The following NCAM2 variants were observed in gnomAD, a reference collection of about 807,000 sequenced individuals.
NCAM2 encodes the protein N-CAM-2.
Under a neutral mutation model 98.1 loss-of-function variants are expected in NCAM2, and 30 were observed. The ratio of observed to expected loss-of-function variants is 0.31; its 90% confidence interval spans 0.23 to 0.41. NCAM2 has a LOEUF of 0.41. Among genes scored for constraint, NCAM2 ranks in the 10% least tolerant of loss-of-function variants. The pLI is 1.00. For missense variants in NCAM2, 867 were observed against 1,005.8 expected, an observed-to-expected ratio of 0.86 and a Z score of 1.87; for synonymous variants, 368 against 342.4, an observed-to-expected ratio of 1.07 and a Z score of -0.83.
In NCAM2 at chr21:21,539,065, T is replaced by C. The variant is rs1990126110; in HGVS notation, c.*1108T>C. The C allele has an allele frequency of 6.6e-6, 1 of 152,192 alleles. No individual in the cohort carries two copies. The highest frequency in any genetic ancestry group is 2.1e-4 in the South Asian group (1 of 4,834). The allele number at this position is 152,192 out of a possible 1,614,324, so 9.4% of individuals were successfully genotyped here. On this transcript the variant is annotated 3_prime_UTR_variant, in exon 18 of 18. Transcript: ENST00000400546. ...TGATAAATAATTAAATGCCACTATGTGTTCTATTCCGGATGTTCTAGCTAG... is the reference window on the plus strand; with the variant it reads ...TGATAAATAATTAAATGCCACTATGCGTTCTATTCCGGATGTTCTAGCTAG...
chr21:21,071,968 A>G (rs909095874), intron 1 of NCAM2, among the ~76,000 whole-genome samples: 1 of 151,822 alleles, frequency 6.6e-6, no homozygotes, highest in Non-Finnish European at 1.5e-5. Flanking sequence ...GCTGGAGTGC[A>G]GTGGCGCGAT....
chr21:21,198,064 G>A (rs1175539023), intron 1 of NCAM2, among the ~76,000 whole-genome samples: 1 of 152,000 alleles, frequency 6.6e-6, no homozygotes, highest in Non-Finnish European at 1.5e-5. Context: ...AATCATGTGA[G>A]TTAACATATA....
chr21:21,457,908 C>T (rs1453382526), intron 12 of NCAM2, among the ~76,000 whole-genome samples: 1 of 152,104 alleles, frequency 6.6e-6, no homozygotes, highest in African/African-American at 2.4e-5. Flanking sequence ...TGGGAAAGAA[C>T]ATTAAGGGTT....
intron 1 of NCAM2, among the ~76,000 whole-genome samples, chr21:21,023,995 G>A (rs1438920133): frequency 6.6e-6 from 1 of 152,006 alleles, no homozygotes; most frequent in Non-Finnish European, 1.5e-5. Flanking sequence ...GAGCCCTGTG[G>A]GTAATAAAAA....
chr21:21,157,825 G>T (rs1338124865), intron 1 of NCAM2, among the ~76,000 whole-genome samples: 4 of 152,070 alleles, frequency 2.6e-5, no homozygotes, highest in South Asian at 4.1e-4. Flanking sequence ...TGTTGTTGTT[G>T]TTCTTGTTTT....
chr21:21,035,185 A>G (rs1257554369), intron 1 of NCAM2, among the ~76,000 whole-genome samples: 1 of 152,206 alleles, frequency 6.6e-6, no homozygotes, highest in Non-Finnish European at 1.5e-5. Context: ...GGCTCCATAA[A>G]TCAACCTCAG....
intron 1 of NCAM2, among the ~76,000 whole-genome samples, chr21:21,052,070 C>A (rs1180750619): frequency 6.6e-6 from 1 of 151,682 alleles, no homozygotes; most frequent in Non-Finnish European, 1.5e-5. Flanking sequence ...AATTCATCAC[C>A]CAGGCAGTGT....
intron 5 of NCAM2, among the ~76,000 whole-genome samples, chr21:21,292,953 A>G (rs1189548968): frequency 1.3e-5 from 2 of 151,926 alleles, no homozygotes; most frequent in Non-Finnish European, 2.9e-5. Flanking sequence ...CATGTCTTAC[A>G]TGACAGCAGG....
At chr21:21,474,158 T>C (rs1175052924) in intron 14 of NCAM2, among the ~76,000 whole-genome samples, 1 of 152,036 alleles carries the variant, frequency 6.6e-6, no homozygotes, top group East Asian at 1.9e-4. Context: ...GAGTATTTGG[T>C]AACACCCACT....
chr21:21,316,718 A>G (rs2074233722), intron 5 of NCAM2, among the ~76,000 whole-genome samples: 1 of 151,266 alleles, frequency 6.6e-6, no homozygotes, highest in South Asian at 2.1e-4. Flanking sequence ...TAATTTTTGT[A>G]CTTTTAGTAG....
At chr21:21,012,934 A>T (rs73228174) in intron 1 of NCAM2, among the ~76,000 whole-genome samples, 33 of 152,298 alleles carry the variant, frequency 2.2e-4, no homozygotes, top group Non-Finnish European at 4.7e-4. Flanking sequence ...CCACATAATG[A>T]CAAACTTAAT....
chr21:21,440,883 T>C (rs1252745031), intron 12 of NCAM2, among the ~76,000 whole-genome samples: 2 of 152,170 alleles, frequency 1.3e-5, no homozygotes, highest in African/African-American at 4.8e-5. Flanking sequence ...TTTAGATGAA[T>C]TTTACTTTTC....
rs891546392 is a variant in NCAM2 at position 21,499,449 on chromosome 21, G to T, written c.2078-9402G>T. Among the ~76,000 whole-genome samples, 126 of 152,174 alleles carry T rather than the reference G, an allele frequency of 8.3e-4. 1 individual carries two copies. Among genetic ancestry groups the T allele is most frequent in the Non-Finnish European group, 2.8e-4 (19 of 67,998 alleles). ...GTAGAGACAGGGTTTCACTGTGTTAGCCAGGATGGTCTCGACCTCCTGACC... is the reference window on the plus strand; with the variant it reads ...GTAGAGACAGGGTTTCACTGTGTTATCCAGGATGGTCTCGACCTCCTGACC... On this transcript the variant is annotated intron_variant, in intron 15 of 17. Transcript: ENST00000400546.
At chr21:21,457,897 C>G (rs957509247) in intron 12 of NCAM2, among the ~76,000 whole-genome samples, 1 of 152,124 alleles carries the variant, frequency 6.6e-6, no homozygotes, top group Admixed American at 6.6e-5. Context: ...ATGAGAAAAA[C>G]TGGGAAAGAA....
chr21:21,291,149 C>T (rs573324392), intron 4 of NCAM2, among the ~76,000 whole-genome samples: 63 of 151,996 alleles, frequency 4.1e-4, no homozygotes, highest in Middle Eastern at 3.4e-3. Flanking sequence ...GGCGGGGTGT[C>T]TCTTATTCAT....
At position 21,519,814 on chromosome 21, in the gene NCAM2, A is replaced by G. The variant is rs554774691; in HGVS notation, c.2282+10759A>G. ...TTAACTGATTTGACTGTTCGGATTT[A>G]TACTATCTTTTACACATGATCCCAA... On this transcript the variant is annotated intron_variant, in intron 16 of 17. Transcript: ENST00000400546. 1.6e-4 allele frequency among the ~76,000 whole-genome samples: 25 copies of G among 152,274 alleles called. No individual in the cohort carries two copies. In the South Asian group the frequency reaches 5.0e-3, roughly 30 times the overall value.
intron 15 of NCAM2, among the ~76,000 whole-genome samples, chr21:21,480,104 C>A (rs1985699740): frequency 6.6e-6 from 1 of 152,024 alleles, no homozygotes; most frequent in South Asian, 2.1e-4. Context: ...CGGTGGCTCA[C>A]GCCAGCAATC....
chr21:21,412,489 C>T (rs1309307911), intron 10 of NCAM2, among the ~76,000 whole-genome samples: 1 of 146,756 alleles, frequency 6.8e-6, no homozygotes, highest in Non-Finnish European at 1.5e-5. Context: ...TGCTTTACTT[C>T]ATCTTGACAT....
chr21:21,355,030 G>T (rs868116621), intron 8 of NCAM2, among the ~76,000 whole-genome samples: 8 of 152,248 alleles, frequency 5.3e-5, no homozygotes, highest in Middle Eastern at 3.4e-3. Context: ...GAGAAAATGT[G>T]TCTTTCTGTG....
Sources: allele counts gnomAD v4.1 joint callset (sites outside exome capture counted in the v4.1 genomes callset), GRCh38; gene constraint gnomAD v4.1.1; transcripts MANE v1.5; gene names NCBI Gene and HGNC (gene_info 2026-07-23, HGNC 2026-07-21).